Variants in CDH18 observed in about 807,000 individuals in gnomAD.
The protein encoded by CDH18 is cadherin-18.
CDH18 carries 31 observed loss-of-function variants against 67.9 expected under a neutral mutation model. The observed-to-expected ratio is 0.46, with a 90% CI of 0.34 to 0.62. The LOEUF (loss-of-function observed/expected upper bound fraction) is 0.62, where lower values mean the gene tolerates loss of function less well. CDH18 is among the 20% of genes least tolerant of loss of function. The pLI is 0.01. For synonymous variants in CDH18, 362 were observed against 347.2 expected, an observed-to-expected ratio of 1.04 and a Z score of -0.48; for missense variants, 890 against 975.5, an observed-to-expected ratio of 0.91 and a Z score of 1.17.
At chr5:20,119,484 T>G (rs1260327599) in intron 2 of CDH18, among the ~76,000 whole-genome samples, 1 of 152,172 alleles carries the variant, frequency 6.6e-6, no homozygotes. Flanking sequence ...ATCTGTCTTA[T>G]TTGAGTCTGG....
intron 1 of CDH18, among the ~76,000 whole-genome samples, chr5:20,279,546 A>C (rs1236263272): frequency 6.6e-6 from 1 of 151,596 alleles, no homozygotes; most frequent in Non-Finnish European, 1.5e-5. Context: ...TAAAACTACA[A>C]AAATTAGCTG....
chr5:20,002,561 GAC>G (rs1250961732), intron 2 of CDH18, among the ~76,000 whole-genome samples: 1 of 152,078 alleles, frequency 6.6e-6, no homozygotes, highest in East Asian at 1.9e-4. Context: ...TATAACAATA[GAC>G]ACAACCTCTC....
intron 11 of CDH18, among the ~76,000 whole-genome samples, chr5:19,492,874 A>G (rs1741693827): frequency 1.3e-5 from 2 of 152,170 alleles, no homozygotes; most frequent in Admixed American, 1.3e-4. Flanking sequence ...ACAATTTGGT[A>G]CTAAAGCAAC....
intron 1 of CDH18, among the ~76,000 whole-genome samples, chr5:20,406,945 T>C (rs1746322270): frequency 6.6e-6 from 1 of 152,180 alleles, no homozygotes; most frequent in Non-Finnish European, 1.5e-5. Context: ...CAGCATTATA[T>C]AATAAGGAGG....
At chr5:20,114,864 A>T (rs1021547136) in intron 2 of CDH18, among the ~76,000 whole-genome samples, 10 of 152,010 alleles carry the variant, frequency 6.6e-5, no homozygotes, top group Non-Finnish European at 1.0e-4. Context: ...TTAAGAATAT[A>T]AAAAAAATCC....
intron 1 of CDH18, among the ~76,000 whole-genome samples, chr5:20,372,185 G>A (rs1296347947): frequency 6.6e-6 from 1 of 152,100 alleles, no homozygotes; most frequent in Non-Finnish European, 1.5e-5. Flanking sequence ...ACAGCTGAGT[G>A]GAGAGACCAA....
intron 1 of CDH18, among the ~76,000 whole-genome samples, chr5:20,426,557 T>C (rs1458746720): frequency 2.0e-5 from 3 of 151,226 alleles, no homozygotes; most frequent in Non-Finnish European, 2.9e-5. Context: ...CAGATATTAA[T>C]CACACACATA....
At chr5:20,328,992 C>A (rs1580764879) in intron 1 of CDH18, among the ~76,000 whole-genome samples, 1 of 152,226 alleles carries the variant, frequency 6.6e-6, no homozygotes, top group East Asian at 1.9e-4. Flanking sequence ...GAAATAAAAC[C>A]CCCCAAAAAC....
At chr5:20,046,863 G>A (rs889938351) in intron 2 of CDH18, among the ~76,000 whole-genome samples, 12 of 151,814 alleles carry the variant, frequency 7.9e-5, no homozygotes, top group African/African-American at 2.9e-4. Context: ...GTTGGGAGAA[G>A]GGAAAGTATA....
In CDH18 at chr5:19,503,020, A is replaced by G; in HGVS notation, c.1602T>C (p.Asn534=). The G allele has an allele frequency of 6.2e-7, 1 of 1,609,954 alleles. No individual in the cohort carries two copies. Among genetic ancestry groups the G allele is most frequent in the Admixed American group, 1.7e-5 (1 of 59,936 alleles). ...NFFLDERLPV[N]PNFTLKDNED... ...CATTGTCCTTCAGAGTGAAGTTTGG[A>G]TTTACAGGCAGGCGTTCATCAAGAA... is the stretch of plus-strand genomic sequence containing the variant. The change falls in exon 11 of 13, where the codon AAT becomes AAC. Residue 534 remains asparagine, a synonymous_variant. Coordinates refer to ENST00000382275, the MANE Select transcript of CDH18 (RefSeq NM_004934.5).
chr5:19,742,846 T>C (rs1769402697), intron 4 of CDH18, among the ~76,000 whole-genome samples: 1 of 152,168 alleles, frequency 6.6e-6, no homozygotes, highest in African/African-American at 2.4e-5. Flanking sequence ...AAAAAGTAAT[T>C]TTATCAGGCC....
At chr5:20,094,322 A>G (rs577526165) in intron 2 of CDH18, among the ~76,000 whole-genome samples, 1 of 152,144 alleles carries the variant, frequency 6.6e-6, no homozygotes, top group African/African-American at 2.4e-5. Flanking sequence ...ATTGTTCTAT[A>G]TATCTGTTTT....
At chr5:20,092,354 A>G (rs1561783553) in intron 2 of CDH18, among the ~76,000 whole-genome samples, 1 of 152,164 alleles carries the variant, frequency 6.6e-6, no homozygotes, top group Admixed American at 6.6e-5. Flanking sequence ...GCTAAACTAG[A>G]AAAATAGACT....
chr5:20,467,826 C>T (rs1453119023), intron 1 of CDH18, among the ~76,000 whole-genome samples: 2 of 152,054 alleles, frequency 1.3e-5, no homozygotes, highest in Admixed American at 6.6e-5. Context: ...TAGGCATTTG[C>T]AGAAAAGCAA....
intron 11 of CDH18, among the ~76,000 whole-genome samples, chr5:19,496,533 C>T (rs141067233): frequency 6.6e-6 from 1 of 152,154 alleles, no homozygotes; most frequent in African/African-American, 2.4e-5. Context: ...GGCTTTCAGG[C>T]CGGGCACATT....
chr5:19,715,216 G>T (rs558156179), intron 5 of CDH18, among the ~76,000 whole-genome samples: 1 of 152,154 alleles, frequency 6.6e-6, no homozygotes, highest in Admixed American at 6.6e-5. Context: ...AATAAATTTG[G>T]GGAGGTAATA....
At chr5:20,484,657 T>C (rs886069534) in intron 1 of CDH18, among the ~76,000 whole-genome samples, 20 of 152,050 alleles carry the variant, frequency 1.3e-4, no homozygotes, top group African/African-American at 4.8e-4. Flanking sequence ...GAGGTCCTTA[T>C]GTTAAGTGAA....
chr5:19,564,772 C>G (rs550918514), intron 8 of CDH18, among the ~76,000 whole-genome samples: 1 of 152,178 alleles, frequency 6.6e-6, no homozygotes, highest in East Asian at 1.9e-4. Flanking sequence ...GTCCCTGATT[C>G]CAGGCGTTGG....
intron 1 of CDH18, among the ~76,000 whole-genome samples, chr5:20,413,890 G>C (rs1026618128): frequency 4.4e-4 from 67 of 152,078 alleles, no homozygotes; most frequent in Non-Finnish European, 8.8e-4. Context: ...CCTTGCCCAT[G>C]CCTGTAACCT....
Sources: allele counts gnomAD v4.1 joint callset (sites outside exome capture counted in the v4.1 genomes callset), GRCh38; gene constraint gnomAD v4.1.1; transcripts MANE v1.5; gene names NCBI Gene and HGNC (gene_info 2026-07-23, HGNC 2026-07-21).